Variants in DTD1 observed in about 807,000 individuals in gnomAD.
The protein encoded by DTD1 is D-tyrosyl-tRNA deacylase 1 homolog.
A neutral mutation model predicts 25.6 loss-of-function variants in DTD1; 13 were observed. That is an observed-to-expected ratio of 0.51 (90% CI 0.33 to 0.81). The LOEUF is 0.81. Ranked by LOEUF, DTD1 falls within the 30% of genes least tolerant of loss-of-function variation. DTD1 has a pLI of 0.02. For synonymous variants in DTD1, 110 were observed against 103.6 expected (o/e 1.06, Z -0.37); for missense variants, 193 against 266.4 (o/e 0.72, Z 1.92).
intron 4 of DTD1, among the ~76,000 whole-genome samples, chr20:18,640,738 C>A (rs1183190640): frequency 6.6e-6 from 1 of 151,334 alleles, no homozygotes. Context: ...TCAAGCAATT[C>A]TCCTGCCTCA....
At position 18,721,588 on chromosome 20, in the gene DTD1, T is replaced by G. The variant is rs191000654; in HGVS notation, c.478-22512T>G. Among the ~76,000 whole-genome samples the G allele has an allele frequency of 8.6e-3, 1,304 of 152,312 alleles. 18 individuals carry two copies. The highest frequency in any genetic ancestry group is 0.01 in the Non-Finnish European group (708 of 68,032). ...ATAAAATTAATGAGTTGGGAGGATC[T>G]CTTTCTTTTTTCTGTTGCTTTAGAA... On this transcript the variant is annotated intron_variant, in intron 4 of 5. Transcript: ENST00000377452.
At chr20:18,763,267 G>A (rs1157518940) in intron 5 of DTD1, 93 bp from the exon 6 acceptor site, 3 of 152,616 alleles carry the variant, frequency 2.0e-5, no homozygotes, top group Non-Finnish European at 4.4e-5. Context: ...CATATCTTCA[G>A]CTGCTTAGTT....
At chr20:18,655,544 T>A (rs141527060) in intron 4 of DTD1, among the ~76,000 whole-genome samples, 137 of 152,114 alleles carry the variant, frequency 9.0e-4, no homozygotes, top group Admixed American at 4.1e-3. Flanking sequence ...GCACCTGTCA[T>A]CTTGTATCAG....
At chr20:18,733,558 G>A (rs1711800947) in intron 4 of DTD1, among the ~76,000 whole-genome samples, 1 of 152,256 alleles carries the variant, frequency 6.6e-6, no homozygotes, top group South Asian at 2.1e-4. Context: ...ACTAGGGCCT[G>A]AAGGCTGGAG....
At chr20:18,708,311 A>T (rs1470522676) in intron 4 of DTD1, among the ~76,000 whole-genome samples, 2 of 55,138 alleles carry the variant, frequency 3.6e-5, no homozygotes, top group Non-Finnish European at 6.9e-5. Flanking sequence ...TATATATTTT[A>T]TATATATATT....
intron 3 of DTD1, among the ~76,000 whole-genome samples, chr20:18,617,817 TA>T (rs943215627): frequency 2.0e-4 from 31 of 151,828 alleles, no homozygotes; most frequent in East Asian, 1.9e-4. Context: ...ATCTTGGCTT[TA>T]AAAAAAAATT....
At chr20:18,620,619 G>A (rs537685863) in intron 3 of DTD1, among the ~76,000 whole-genome samples, 13 of 150,256 alleles carry the variant, frequency 8.7e-5, no homozygotes, top group Non-Finnish European at 1.5e-4. Flanking sequence ...TTTTGAGATA[G>A]GGTCTCATTC....
At chr20:18,594,345 A>G (rs1316953780) in intron 2 of DTD1, among the ~76,000 whole-genome samples, 1 of 152,134 alleles carries the variant, frequency 6.6e-6, no homozygotes, top group Non-Finnish European at 1.5e-5. Flanking sequence ...GGGGTTGAGG[A>G]GCAGGGGTTG....
intron 4 of DTD1, among the ~76,000 whole-genome samples, chr20:18,672,911 T>C (rs2060955983): frequency 6.6e-6 from 1 of 152,224 alleles, no homozygotes; most frequent in South Asian, 2.1e-4. Flanking sequence ...TTTGGCTTCC[T>C]AGATGTAGAA....
At chr20:18,727,837 T>C (rs565056162) in intron 4 of DTD1, among the ~76,000 whole-genome samples, 1 of 152,354 alleles carries the variant, frequency 6.6e-6, no homozygotes, top group East Asian at 1.9e-4. Flanking sequence ...ACTTCAGTCC[T>C]TATTTCCATG....
chr20:18,659,800 G>A (rs1020745205), intron 4 of DTD1, among the ~76,000 whole-genome samples: 18 of 152,140 alleles, frequency 1.2e-4, no homozygotes, highest in African/African-American at 4.3e-4. Flanking sequence ...AATACCTAAT[G>A]CATACGGGGC....
At chr20:18,708,276 TAATATATA>T (rs1568676903) in intron 4 of DTD1, among the ~76,000 whole-genome samples, 9 of 13,088 alleles carry the variant, frequency 6.9e-4, no homozygotes, top group Non-Finnish European at 1.4e-3. Flanking sequence ...TATATATATA[TAATATATA>T]TTATATATAT....
chr20:18,633,499 TG>T (rs2060796347), intron 4 of DTD1, among the ~76,000 whole-genome samples: 1 of 152,176 alleles, frequency 6.6e-6, no homozygotes, highest in Admixed American at 6.5e-5. Flanking sequence ...CCCTGAGTGT[TG>T]TTCACTGCCC....
chr20:18,735,553 G>A (rs1313961790), intron 4 of DTD1, among the ~76,000 whole-genome samples: 1 of 152,150 alleles, frequency 6.6e-6, no homozygotes, highest in Non-Finnish European at 1.5e-5. Flanking sequence ...TTGATTTTTC[G>A]GAATGCCAAA....
At position 18,764,628 on chromosome 20, in the gene DTD1, A is replaced by C. The variant is rs1360204010; in HGVS notation, c.*1288A>C. 6.6e-6 allele frequency: 1 copy of C among 152,172 alleles called. No homozygotes were observed. The highest frequency in any genetic ancestry group is 6.5e-5 in the Admixed American group (1 of 15,282). The allele number at this position is 152,172 out of a possible 1,614,324, so 9.4% of individuals were successfully genotyped here. A position where few individuals can be genotyped will look rare whatever the true frequency, so the allele number is the denominator to read the frequency against. On this transcript the variant is annotated 3_prime_UTR_variant, in exon 6 of 6. Coordinates refer to ENST00000377452, the MANE Select transcript of DTD1 (RefSeq NM_080820.6). ...TGTGGAAAACAAAAAAGCTCAAAAC[A>C]CATCTCTTGGAATATAGAGTTGGAA...
In DTD1 at chr20:18,749,169, G is replaced by T. The variant is rs1366079571; in HGVS notation, c.*19+4898G>T. On this transcript the variant is annotated intron_variant, in intron 5 of 5. Transcript: ENST00000377452. This position sits in a 1 kb window ranked among gnomAD's most constrained non-coding sequence, Gnocchi z 4.2. ...TGCTCCAGGCTGGGATCCTTGGAGTGGGGGAATGGGGGTTGGGTTGCAGGA... is the reference window on the plus strand; with the variant it reads ...TGCTCCAGGCTGGGATCCTTGGAGTTGGGGAATGGGGGTTGGGTTGCAGGA... 3.9e-5 allele frequency among the ~76,000 whole-genome samples: 6 copies of T among 152,166 alleles called. No homozygotes were observed. The highest frequency in any genetic ancestry group is 8.8e-5 in the Non-Finnish European group (6 of 68,036).
intron 4 of DTD1, among the ~76,000 whole-genome samples, chr20:18,705,996 G>A (rs1391829126): frequency 6.6e-6 from 1 of 152,220 alleles, no homozygotes; most frequent in South Asian, 2.1e-4. Flanking sequence ...AAGGGGATTA[G>A]CTTAGTGAGT....
intron 5 of DTD1, among the ~76,000 whole-genome samples, chr20:18,744,657 A>C (rs1202146374): frequency 7.2e-6 from 1 of 139,708 alleles, no homozygotes; most frequent in African/African-American, 2.6e-5. Flanking sequence ...AACAAAAAAC[A>C]AGTGAAAGGG....
chr20:18,616,300 T>C (rs1373609968), intron 3 of DTD1, among the ~76,000 whole-genome samples: 5 of 152,252 alleles, frequency 3.3e-5, no homozygotes, highest in Non-Finnish European at 5.9e-5. Context: ...GTCTCTTTTT[T>C]GGTCTTACAT....
Sources: allele counts gnomAD v4.1 joint callset (sites outside exome capture counted in the v4.1 genomes callset), GRCh38; gene constraint gnomAD v4.1.1; non-coding constraint Gnocchi (gnomAD v3.1); transcripts MANE v1.5; gene names NCBI Gene and HGNC (gene_info 2026-07-23, HGNC 2026-07-21).